Variants in RBP5 observed in about 807,000 individuals in gnomAD.
RBP5 encodes retinol-binding protein 5.
RBP5 carries 12 observed loss-of-function variants against 17.8 expected under a neutral mutation model. The observed-to-expected ratio is 0.67, with a 90% CI of 0.43 to 1.09. The LOEUF (loss-of-function observed/expected upper bound fraction) is 1.09. Among genes scored for constraint, RBP5 ranks in the 50% least tolerant of loss-of-function variants. The pLI, the probability that RBP5 is intolerant of heterozygous loss-of-function variation, is 0.00. For synonymous variants in RBP5, 64 were observed against 68.1 expected (o/e 0.94, Z 0.30); for missense variants, 172 against 169.4 (o/e 1.02, Z -0.09).
intron 2 of RBP5, chr12:7,127,707 G>A: frequency 1.4e-6 from 1 of 702,286 alleles, no homozygotes. Context: ...TCATGCCAAG[G>A]GCAGCCTATA....
Position 7,128,673 on chromosome 12 carries a change from G to C in RBP5, c.73+30C>G, listed in dbSNP as rs1344240505. The C allele has an allele frequency of 1.3e-6, 2 of 1,541,378 alleles. No individual in the cohort carries two copies. Among genetic ancestry groups the C allele is most frequent in the Non-Finnish European group, 1.8e-6 (2 of 1,129,162 alleles). ...GGAAGGAAGAGGGGAGAAAGGGAGTGACAGGGGTCTGGGAGGGCGAGGCCA... is the reference window on the plus strand; with the variant it reads ...GGAAGGAAGAGGGGAGAAAGGGAGTCACAGGGGTCTGGGAGGGCGAGGCCA... On this transcript the variant is annotated intron_variant, in intron 1 of 3. Coordinates refer to ENST00000266560, the MANE Select transcript of RBP5 (RefSeq NM_031491.4). The surrounding 1 kb of genome is among the most constrained non-coding windows in gnomAD (Gnocchi z 5.3).
At chr12:7,116,954 TCA>T (rs1297679787) in exon 4 of RBP5, 1 of 152,244 alleles carries the variant, frequency 6.6e-6, no homozygotes, top group African/African-American at 2.4e-5. Flanking sequence ...ATGTACTATT[TCA>T]CACAGTTTCT....
At chr12:7,125,402 A>G (rs1207487578) in intron 2 of RBP5, among the ~76,000 whole-genome samples, 1 of 152,186 alleles carries the variant, frequency 6.6e-6, no homozygotes, top group Non-Finnish European at 1.5e-5. Context: ...TGGGAATCCT[A>G]CCAGGTAATC....
chr12:7,123,766 C>T lies in RBP5; in HGVS notation c.*355G>A. ...ATCAGGATAGAATTTTCACTAATCG[C>T]CAAATGCCCAAAGCTTAGTTCTTTC... On this transcript the variant is annotated 3_prime_UTR_variant, in exon 4 of 4. Coordinates refer to ENST00000266560, the MANE Select transcript of RBP5 (RefSeq NM_031491.4). The T allele has an allele frequency of 4.8e-6, 1 of 208,380 alleles. No individual in the cohort carries two copies. The highest frequency in any genetic ancestry group is 9.6e-6 in the Non-Finnish European group (1 of 104,060). 12.9% of individuals were successfully genotyped at this position (208,380 alleles called of 1,614,324 possible). A position where few individuals can be genotyped will look rare whatever the true frequency, so the allele number is the denominator to read the frequency against.
chr12:7,124,673 T>G lies in RBP5; in HGVS notation c.310A>C (p.Asn104His), dbSNP rs748913687. 10 of 1,613,440 alleles carry G rather than the reference T, an allele frequency of 6.2e-6. No individual in the cohort carries two copies. Among genetic ancestry groups the G allele is most frequent in the Non-Finnish European group, 7.6e-6 (9 of 1,179,414 alleles). Residue 104 changes from asparagine to histidine, a missense_variant, in exon 3 of 4, where the codon AAC becomes CAC. Transcript: ENST00000266560. This position sits in a 1 kb window ranked among gnomAD's most constrained non-coding sequence, Gnocchi z 5.3. Reference sequence around the variant, plus strand: ...TCCAGCCAGTGTCTCCAGCCCCGGTTGGGGACCTCCCCTTTCTGCACACAC... The same window carrying G: ...TCCAGCCAGTGTCTCCAGCCCCGGTGGGGGACCTCCCCTTTCTGCACACAC... ...LVCVQKGEVP[N>H]RGWRHWLEGE... is the part of the protein sequence containing the mutation.
At chr12:7,126,500 TG>T (rs766047184) in intron 2 of RBP5, among the ~76,000 whole-genome samples, 118 of 29,554 alleles carry the variant, frequency 4.0e-3, no homozygotes, top group Non-Finnish European at 6.5e-3. Flanking sequence ...GTGGTGGTGG[TG>T]GTGGTGGTGG....
At chr12:7,120,818 G>A (rs1939070756), downstream of RBP5, 1 of 152,342 alleles carries the variant, frequency 6.6e-6, no homozygotes. Context: ...TTGAGGTCAG[G>A]AGTTCGAGAT....
At chr12:7,126,986 G>GTTT (rs1398577994) in intron 2 of RBP5, among the ~76,000 whole-genome samples, 1 of 85,736 alleles carries the variant, frequency 1.2e-5, no homozygotes, top group East Asian at 3.2e-4. Context: ...TTGTACTTTT[G>GTTT]TATTTTTTTT....
chr12:7,121,312 G>A (rs1037839511), downstream of RBP5, among the ~76,000 whole-genome samples: 27 of 152,198 alleles, frequency 1.8e-4, no homozygotes, highest in African/African-American at 6.0e-4. Flanking sequence ...GCTGTCTCTT[G>A]GGATCTTGAG....
chr12:7,122,911 T>G (rs1310372089), downstream of RBP5, among the ~76,000 whole-genome samples: 1 of 152,078 alleles, frequency 6.6e-6, no homozygotes, highest in Non-Finnish European at 1.5e-5. Context: ...AGGATCAGTA[T>G]CACAAGCCCC....
chr12:7,125,172 G>A (rs1357389380), intron 2 of RBP5, among the ~76,000 whole-genome samples: 1 of 152,164 alleles, frequency 6.6e-6, no homozygotes, highest in Admixed American at 6.5e-5. Flanking sequence ...TTCCTAAAGT[G>A]CTGTGACTAT....
At chr12:7,129,685 C>T (rs1939241201), upstream of RBP5, 5 of 985,380 alleles carry the variant, frequency 5.1e-6, no homozygotes, top group African/African-American at 1.7e-5. The surrounding 1 kb of genome is among the most constrained non-coding windows in gnomAD (Gnocchi z 5.5). Flanking sequence ...TTGTGCCCCG[C>T]CCCCAGCTGC....
chr12:7,124,679 C>A lies in RBP5; in HGVS notation c.304G>T (p.Val102Phe). The change falls in exon 3 of 4, where the codon GTC becomes TTC. Residue 102 changes from valine (V) to phenylalanine (F), a missense_variant. Physicochemically the swap from Val to Phe is conservative, Grantham distance 50 (BLOSUM62 -1). Transcript: ENST00000266560. The surrounding 1 kb of genome is among the most constrained non-coding windows in gnomAD (Gnocchi z 5.3). The stretch of plus-strand genomic sequence containing the variant: ...CAGTGTCTCCAGCCCCGGTTGGGGA[C>A]CTCCCCTTTCTGCACACACACCAGG... Reference protein sequence around the residue: ...EHLVCVQKGEVPNRGWRHWLE... With the variant: ...EHLVCVQKGEFPNRGWRHWLE... 1.9e-6 allele frequency: 3 copies of A among 1,613,298 alleles called. No homozygotes were observed. Among genetic ancestry groups the A allele is most frequent in the Non-Finnish European group, 2.5e-6 (3 of 1,179,348 alleles).
At position 7,124,670 on chromosome 12, in the gene RBP5, G is replaced by A. The variant is rs762054624; in HGVS notation, c.313C>T (p.Arg105Trp). The A allele has an allele frequency of 1.5e-5, 24 of 1,592,884 alleles. No individual in the cohort carries two copies. The highest frequency in any genetic ancestry group is 5.4e-5 in the African/African-American group (4 of 74,146). The change falls in exon 3 of 4, where the codon CGG becomes TGG. Residue 105 changes from arginine (R) to tryptophan (W), a missense_variant. By Grantham distance (101) the Arg-to-Trp change is moderately radical (BLOSUM62 -3). Coordinates refer to ENST00000266560, the MANE Select transcript of RBP5 (RefSeq NM_031491.4). The surrounding 1 kb of genome is among the most constrained non-coding windows in gnomAD (Gnocchi z 5.3). ...VCVQKGEVPN[R>W]GWRHWLEGEM... ...CCCTCCAGCCAGTGTCTCCAGCCCCGGTTGGGGACCTCCCCTTTCTGCACA... is the reference window on the plus strand; with the variant it reads ...CCCTCCAGCCAGTGTCTCCAGCCCCAGTTGGGGACCTCCCCTTTCTGCACA...
At chr12:7,129,990 C>G (rs1939248708), upstream of RBP5, 1 of 206,500 alleles carries the variant, frequency 4.8e-6, no homozygotes, top group Non-Finnish European at 8.8e-6. The surrounding 1 kb of genome is among the most constrained non-coding windows in gnomAD (Gnocchi z 5.5). Flanking sequence ...CCAGAGGGCA[C>G]GCAGCACGGA....
rs116153699 is a variant in RBP5, at chr12:7,123,943, C to T, written c.*178G>A. 4.9e-3 allele frequency: 3,054 copies of T among 617,912 alleles called. 69 individuals carry two copies. In the African/African-American group the frequency reaches 0.05, roughly 10 times the overall value. The allele number at this position is 617,912 out of a possible 1,614,324, so 38.3% of individuals were successfully genotyped here. A position where few individuals can be genotyped will look rare whatever the true frequency, so the allele number is the denominator to read the frequency against. On this transcript the variant is annotated 3_prime_UTR_variant, in exon 4 of 4. Coordinates refer to ENST00000266560, the MANE Select transcript of RBP5 (RefSeq NM_031491.4). ...TTGGGCAGTGGAGTGTGAGAAAGGA[C>T]TTTGGCCTGGGGGCTGCAAGTTACA...
intron 2 of RBP5, among the ~76,000 whole-genome samples, chr12:7,126,640 GGA>G (rs1240542553): frequency 6.6e-6 from 1 of 151,890 alleles, no homozygotes; most frequent in East Asian, 1.9e-4. Flanking sequence ...TGCCATTAGT[GGA>G]GAGAGTAGAT....
At chr12:7,127,897 G>A (rs1157838421) in intron 2 of RBP5, among the ~76,000 whole-genome samples, 3 of 152,254 alleles carry the variant, frequency 2.0e-5, no homozygotes, top group African/African-American at 7.2e-5. Context: ...AGAAATGCAG[G>A]AGAGTGAAGT....
In RBP5 at chr12:7,128,217, C is replaced by T; in HGVS notation, c.252+23G>A. The T allele has an allele frequency of 6.3e-7, 1 of 1,591,958 alleles. No homozygotes were observed. The highest frequency in any genetic ancestry group is 8.6e-7 in the Non-Finnish European group (1 of 1,166,852). On this transcript the variant is annotated intron_variant, in intron 2 of 3. Coordinates refer to ENST00000266560, the MANE Select transcript of RBP5 (RefSeq NM_031491.4). This position sits in a 1 kb window ranked among gnomAD's most constrained non-coding sequence, Gnocchi z 5.3. ...CTCCTGTGATGCCTCCTTCCGGCCA[C>T]CGCCCAGCCAGGGGAAATGTACCTG...
Sources: gnomAD v4.1 joint callset for allele counts (sites outside exome capture counted in the v4.1 genomes callset) on GRCh38, gnomAD v4.1.1 for gene constraint, Gnocchi (gnomAD v3.1) non-coding constraint, MANE v1.5 for transcripts, NCBI Gene and HGNC (gene_info 2026-07-23, HGNC 2026-07-21) for gene names.